Variants in KCNK13 observed in about 807,000 individuals in gnomAD.
KCNK13 encodes potassium two pore domain channel subfamily K member 13, also known as potassium channel subfamily K member 13.
Under a neutral mutation model 23.4 loss-of-function variants are expected in KCNK13, and 12 were observed. The observed-to-expected ratio is 0.51, with a 90% confidence interval of 0.33 to 0.83. The LOEUF (loss-of-function observed/expected upper bound fraction) is 0.83, where lower values mean the gene tolerates loss of function less well. KCNK13 is among the 40% of genes least tolerant of loss of function. The pLI is 0.02. For synonymous variants in KCNK13, 231 were observed against 229.5 expected, an observed-to-expected ratio of 1.01 and a Z score of -0.06; for missense variants, 463 against 556.3, an observed-to-expected ratio of 0.83 and a Z score of 1.69.
At chr14:90,143,792 AAG>A (rs1195813569) in intron 1 of KCNK13, among the ~76,000 whole-genome samples, 13 of 152,248 alleles carry the variant, frequency 8.5e-5, no homozygotes, top group Admixed American at 8.5e-4. Context: ...GGCAGAGAAA[AAG>A]AGCCCAGTTG....
intron 1 of KCNK13, among the ~76,000 whole-genome samples, chr14:90,160,212 C>A (rs1016738004): frequency 6.6e-6 from 1 of 152,144 alleles, no homozygotes; most frequent in African/African-American, 2.4e-5. Flanking sequence ...CTGGCACTTT[C>A]GAGAAATTCA....
intron 1 of KCNK13, among the ~76,000 whole-genome samples, chr14:90,152,925 A>G (rs767145017): frequency 4.6e-5 from 7 of 152,126 alleles, no homozygotes; most frequent in Non-Finnish European, 8.8e-5. Context: ...GCTGGACTGC[A>G]TTGTAGTAAG....
Position 90,128,253 on chromosome 14 carries a change from T to G in KCNK13, c.335-55858T>G, listed in dbSNP as rs139486445. On this transcript the variant is annotated intron_variant, in intron 1 of 1. Coordinates refer to ENST00000282146, the MANE Select transcript of KCNK13 (RefSeq NM_022054.4). ...ATGTATTCTTTCATTCCGGGAAAGATTTACAATTTTCTAAGCGGCAATTTA... is the reference window on the plus strand; with the variant it reads ...ATGTATTCTTTCATTCCGGGAAAGAGTTACAATTTTCTAAGCGGCAATTTA... Among the ~76,000 whole-genome samples, 30 of 152,310 alleles carry G rather than the reference T, an allele frequency of 2.0e-4. No homozygotes were observed. In the East Asian group the frequency reaches 5.8e-3, roughly 29 times the overall value.
At chr14:90,094,708 C>T (rs1011562401) in intron 1 of KCNK13, among the ~76,000 whole-genome samples, 11 of 135,200 alleles carry the variant, frequency 8.1e-5, no homozygotes, top group African/African-American at 2.6e-4. Flanking sequence ...AGTGCAGTGG[C>T]GCGATCTCGG....
At chr14:90,074,053 C>G (rs1295349874) in intron 1 of KCNK13, among the ~76,000 whole-genome samples, 3 of 152,130 alleles carry the variant, frequency 2.0e-5, no homozygotes, top group East Asian at 3.9e-4. Context: ...ACTGCAACCT[C>G]CGCCTGCCCA....
At chr14:90,169,975 T>G (rs1890346108) in intron 1 of KCNK13, among the ~76,000 whole-genome samples, 1 of 152,170 alleles carries the variant, frequency 6.6e-6, no homozygotes, top group Non-Finnish European at 1.5e-5. Flanking sequence ...AAGAATAGTG[T>G]TTCCACAAAC....
At chr14:90,174,881 T>TAAATA (rs1048762928) in intron 1 of KCNK13, among the ~76,000 whole-genome samples, 2 of 151,586 alleles carry the variant, frequency 1.3e-5, no homozygotes, top group African/African-American at 2.4e-5. Flanking sequence ...AAATAAATAA[T>TAAATA]AAATAAAATA....
At chr14:90,177,707 C>T (rs1238387882) in intron 1 of KCNK13, among the ~76,000 whole-genome samples, 1 of 152,140 alleles carries the variant, frequency 6.6e-6, no homozygotes, top group Admixed American at 6.5e-5. Flanking sequence ...AGGGAGCCAG[C>T]TGACATGGTG....
At chr14:90,116,134 A>G (rs1014923042) in intron 1 of KCNK13, among the ~76,000 whole-genome samples, 6 of 152,302 alleles carry the variant, frequency 3.9e-5, no homozygotes, top group African/African-American at 1.4e-4. Context: ...AACTTGATGA[A>G]TTTTTACATT....
rs187311000 is a variant in KCNK13, at chr14:90,160,997, C to G, written c.335-23114C>G. Among the ~76,000 whole-genome samples, 5 of 152,254 alleles carry G rather than the reference C, an allele frequency of 3.3e-5. No individual in the cohort carries two copies. In the East Asian group the frequency reaches 7.7e-4, roughly 23 times the overall value. ...AGAGACTCAAACAGATATTTTCACA[C>G]CCCTGTTCCTAACAGCATTATTCAC... On this transcript the variant is annotated intron_variant, in intron 1 of 1. Coordinates refer to ENST00000282146, the MANE Select transcript of KCNK13 (RefSeq NM_022054.4).
chr14:90,142,428 C>T (rs189796299), intron 1 of KCNK13, among the ~76,000 whole-genome samples: 2 of 144,410 alleles, frequency 1.4e-5, no homozygotes, highest in East Asian at 2.1e-4. Flanking sequence ...ATGCCATTCT[C>T]GTGCCTCAGC....
chr14:90,182,054 C>T (rs1002169294), intron 1 of KCNK13, among the ~76,000 whole-genome samples: 1 of 152,138 alleles, frequency 6.6e-6, no homozygotes, highest in African/African-American at 2.4e-5. Flanking sequence ...GCATGAAGGG[C>T]CCTAAGTAAT....
At position 90,156,228 on chromosome 14, in the gene KCNK13, G is replaced by A. The variant is rs1288214111; in HGVS notation, c.335-27883G>A. On this transcript the variant is annotated intron_variant, in intron 1 of 1. Coordinates refer to ENST00000282146, the MANE Select transcript of KCNK13 (RefSeq NM_022054.4). ...CAAAAAAAAAAAAAACCTAAAAGAC[G>A]TCAGCATAGAGATGGTATTTAAAAT... Among the ~76,000 whole-genome samples the A allele has an allele frequency of 4.7e-5, 7 of 148,322 alleles. 1 individual carries two copies. The highest frequency in any genetic ancestry group is 3.4e-4 in the Admixed American group (5 of 14,774).
intron 1 of KCNK13, among the ~76,000 whole-genome samples, chr14:90,128,271 G>GC (rs1439299425): frequency 6.6e-6 from 1 of 152,108 alleles, no homozygotes; most frequent in African/African-American, 2.4e-5. Flanking sequence ...TTTCTAAGCG[G>GC]CAATTTACTT....
chr14:90,150,438 C>A (rs956382552), intron 1 of KCNK13, among the ~76,000 whole-genome samples: 1 of 152,070 alleles, frequency 6.6e-6, no homozygotes, highest in Non-Finnish European at 1.5e-5. Flanking sequence ...CATAGCGAGA[C>A]CCTGTCCAGA....
chr14:90,116,796 G>A (rs534828135), intron 1 of KCNK13, among the ~76,000 whole-genome samples: 15 of 152,278 alleles, frequency 9.9e-5, no homozygotes, highest in South Asian at 4.2e-4. Context: ...AAGCAAATGC[G>A]CTCATCTTTT....
chr14:90,156,203 C>CAAAA (rs58520501), intron 1 of KCNK13, among the ~76,000 whole-genome samples: 5 of 132,048 alleles, frequency 3.8e-5, no homozygotes, highest in Non-Finnish European at 8.0e-5. Flanking sequence ...AGAGTCTGGC[C>CAAAA]AAAAAAAAAA....
chr14:90,074,935 GCAT>G (rs1889117624), intron 1 of KCNK13, among the ~76,000 whole-genome samples: 1 of 151,984 alleles, frequency 6.6e-6, no homozygotes, highest in Non-Finnish European at 1.5e-5. Context: ...TTAAATTTCT[GCAT>G]CATATTAGCA....
At chr14:90,135,640 G>T (rs535054814) in intron 1 of KCNK13, among the ~76,000 whole-genome samples, 1 of 152,282 alleles carries the variant, frequency 6.6e-6, no homozygotes, top group African/African-American at 2.4e-5. Context: ...CCCACATCAG[G>T]GTTGGGCATG....
Sources: allele counts gnomAD v4.1 joint callset (sites outside exome capture counted in the v4.1 genomes callset), GRCh38; gene constraint gnomAD v4.1.1; transcripts MANE v1.5; gene names NCBI Gene and HGNC (gene_info 2026-07-23, HGNC 2026-07-21).